The following RPAP1 variants were observed in gnomAD, a reference collection of about 807,000 sequenced individuals.
RPAP1 encodes RNA polymerase II associated protein 1, also known as RNA polymerase II-associated protein 1.
In RPAP1, 109 loss-of-function variants were observed where a neutral mutation model predicts 142.4. That is an observed-to-expected ratio of 0.77 (90% CI 0.66 to 0.90). The LOEUF (loss-of-function observed/expected upper bound fraction) is 0.90. RPAP1 is among the 40% of genes least tolerant of loss of function. The pLI is 0.00. For synonymous variants in RPAP1, 704 were observed against 738.9 expected, an observed-to-expected ratio of 0.95 and a Z score of 0.77; for missense variants, 1,546 against 1,751.7, an observed-to-expected ratio of 0.88 and a Z score of 2.10.
chr15:41,528,702 G>A (rs181689086), intron 9 of RPAP1, among the ~76,000 whole-genome samples: 2 of 152,284 alleles, frequency 1.3e-5, no homozygotes, highest in East Asian at 3.9e-4. Flanking sequence ...GAGGTATGTG[G>A]GGAGAAGCCA....
intron 1 of RPAP1, among the ~76,000 whole-genome samples, chr15:41,538,230 G>A (rs2051934363): frequency 1.3e-5 from 2 of 152,130 alleles, no homozygotes; most frequent in South Asian, 2.1e-4. Context: ...GCGACAGAGT[G>A]AGACTCTGTC....
At chr15:41,540,169 T>A (rs1244430366) in intron 1 of RPAP1, among the ~76,000 whole-genome samples, 1 of 152,230 alleles carries the variant, frequency 6.6e-6, no homozygotes, top group Non-Finnish European at 1.5e-5. Flanking sequence ...CTGAGCTAGA[T>A]GCTGATAATA....
intron 6 of RPAP1, 57 bp from the exon 7 acceptor site, chr15:41,531,259 C>A (rs79667724): frequency 0.011 from 16,914 of 1,524,122 alleles, 294 homozygotes; most frequent in South Asian, 0.06. Flanking sequence ...TGGCCTCCTA[C>A]AGACCTGGAA....
Position 41,536,949 on chromosome 15 carries a change from C to G in RPAP1, c.177G>C (p.Leu59Phe). 1.9e-6 allele frequency: 3 copies of G among 1,613,674 alleles called. No homozygotes were observed. The highest frequency in any genetic ancestry group is 2.5e-6 in the Non-Finnish European group (3 of 1,179,722). Residue 59 changes from leucine to phenylalanine, a missense_variant, in exon 2 of 25, where the codon TTG (leucine) becomes TTC (phenylalanine). Leu to Phe is a conservative substitution (Grantham distance 22). Transcript: ENST00000304330. ...PLQDHRDVVMLDNLPDLPPAL... is the reference protein window; with the variant it reads ...PLQDHRDVVMFDNLPDLPPAL... ...CTCACATCCATGGGAACTCACTGTC[C>G]AACATCACCACATCCCGATGGTCCT... is the stretch of plus-strand genomic sequence containing the variant.
rs182734566 is a variant in RPAP1, at chr15:41,524,125, T to A, written c.2205A>T (p.Ala735=). Residue 735 remains alanine, a synonymous_variant, in exon 16 of 25, where the codon GCA becomes GCT. Coordinates refer to ENST00000304330, the MANE Select transcript of RPAP1 (RefSeq NM_015540.4). ...LLTLLTQLTL[A]AGSTPAETIS... is the part of the protein sequence containing the mutation. ...TGGTTTCAGCAGGGGTACTGCCGGCTGCCAGGGTTAGCTGGGTGAGGAGAG... is the reference window on the plus strand; with the variant it reads ...TGGTTTCAGCAGGGGTACTGCCGGCAGCCAGGGTTAGCTGGGTGAGGAGAG... 1 of 1,592,596 alleles carries A rather than the reference T, an allele frequency of 6.3e-7. No individual in the cohort carries two copies. Among genetic ancestry groups the A allele is most frequent in the Non-Finnish European group, 8.6e-7 (1 of 1,167,606 alleles).
chr15:41,528,823 A>G (rs2051820564), intron 9 of RPAP1, among the ~76,000 whole-genome samples: 1 of 152,156 alleles, frequency 6.6e-6, no homozygotes, highest in African/African-American at 2.4e-5. Context: ...TTGTGAGCAG[A>G]GGGAAGCTGG....
At chr15:41,523,621 T>G (rs1595481755) in intron 17 of RPAP1, 150 bp downstream of exon 17, 1 of 789,498 alleles carries the variant, frequency 1.3e-6, no homozygotes, top group Non-Finnish European at 2.0e-6. Flanking sequence ...GATATGGAGG[T>G]AGAAAGAGGA....
intron 9 of RPAP1, among the ~76,000 whole-genome samples, chr15:41,528,755 G>T (rs1006486611): frequency 6.6e-6 from 1 of 152,154 alleles, no homozygotes; most frequent in African/African-American, 2.4e-5. Context: ...GAGCAGCAGG[G>T]TCAGCAGGGA....
At chr15:41,536,041 C>T (rs2051902596) in intron 4 of RPAP1, 88 bp downstream of exon 4, 1 of 932,512 alleles carries the variant, frequency 1.1e-6, no homozygotes, top group South Asian at 1.5e-5. Context: ...AATTGCTTAT[C>T]ATCATTAAAA....
intron 11 of RPAP1, 39 bp from the exon 12 acceptor site, chr15:41,527,644 G>A: frequency 6.3e-7 from 1 of 1,576,544 alleles, no homozygotes. Flanking sequence ...ATGCTGAAGG[G>A]GCCAGGAAAT....
rs2051799259 is a variant in RPAP1, at chr15:41,527,045, T to C, written c.1770A>G (p.Ile590Met). Residue 590 changes from isoleucine to methionine, a missense_variant, in exon 14 of 25, where the codon ATA (isoleucine) becomes ATG (methionine). Around this residue, in one of 3 missense-constraint regions of RPAP1, gnomAD observed 1,333 missense variants for 1,486.6 expected, o/e 0.90. Coordinates refer to ENST00000304330, the MANE Select transcript of RPAP1 (RefSeq NM_015540.4). The stretch of plus-strand genomic sequence containing the variant: ...GCAAGAACTCTCGAACTATAGTCTC[T>C]ATCAGCCGAGGGCACTCCAGGACCT... ...ATRVLECPRL[I>M]ETIVREFLPT... 1.2e-6 allele frequency: 2 copies of C among 1,614,182 alleles called. No homozygotes were observed. The highest frequency in any genetic ancestry group is 1.7e-6 in the Non-Finnish European group (2 of 1,180,012).
intron 15 of RPAP1, 25 bp downstream of exon 15, chr15:41,524,966 G>T (rs552652365): frequency 6.2e-6 from 10 of 1,610,044 alleles, no homozygotes; most frequent in Non-Finnish European, 8.5e-6. Context: ...TGTCTAGGGG[G>T]AGCCTACCCC....
chr15:41,517,748 G>A (rs776548448), intron 24 of RPAP1, 50 bp downstream of exon 24: 1 of 1,613,914 alleles, frequency 6.2e-7, no homozygotes, highest in South Asian at 1.1e-5. Flanking sequence ...TGTGGTCTCT[G>A]TCCCCCAAGA....
intron 21 of RPAP1, 144 bp from the exon 22 acceptor site, chr15:41,521,291 T>C: frequency 1.2e-6 from 1 of 803,434 alleles, no homozygotes; most frequent in South Asian, 2.4e-5. Flanking sequence ...CAGTGCTGTG[T>C]AGCAGTTAAG....
In RPAP1 at chr15:41,536,564, C is replaced by T. The variant is rs550667222; in HGVS notation, c.267G>A (p.Glu89=). The T allele has an allele frequency of 6.2e-7, 1 of 1,614,196 alleles. No homozygotes were observed. Among genetic ancestry groups the T allele is most frequent in the African/African-American group, 1.3e-5 (1 of 75,054 alleles). Residue 89 remains glutamate (E), a synonymous_variant, in exon 3 of 25, where the codon GAG becomes GAA. Transcript: ENST00000304330. ...GCCTCCTCAGCCTCTCTTCTGGGTC[C>T]TCATCCTCAGGCAGGCAGTGGCCAG... ...PSPGHCLPED[E]DPEERLRRHD... is the part of the protein sequence containing the mutation.
rs763564772 is a variant in RPAP1, at chr15:41,517,574, T to C, written c.4150A>G (p.Thr1384Ala). The C allele has an allele frequency of 1.6e-5, 25 of 1,595,796 alleles. No individual in the cohort carries two copies. The highest frequency in any genetic ancestry group is 2.1e-5 in the Non-Finnish European group (25 of 1,171,240). ...RQHYLQRLTS[T>A]VLQNGVSET ...TCTGATACCCCATTTTGGAGCACTGTTGAAGTCAGTCTCTGGAGGTAGTGC... is the reference window on the plus strand; with the variant it reads ...TCTGATACCCCATTTTGGAGCACTGCTGAAGTCAGTCTCTGGAGGTAGTGC... Residue 1384 changes from threonine to alanine, a missense_variant, in exon 25 of 25, where the codon ACA becomes GCA. Around this residue, in one of 3 missense-constraint regions of RPAP1, gnomAD observed 210 missense variants for 248.0 expected, o/e 0.85. Coordinates refer to ENST00000304330, the MANE Select transcript of RPAP1 (RefSeq NM_015540.4).
rs2051830411 is a variant in RPAP1 at position 41,529,861 on chromosome 15, C to T, written c.1059+3G>A. 7 of 1,598,610 alleles carry T rather than the reference C, an allele frequency of 4.4e-6. No individual in the cohort carries two copies. The highest frequency in any genetic ancestry group is 6.0e-6 in the Non-Finnish European group (7 of 1,172,230). On this transcript the variant is annotated splice_donor_region_variant and intron_variant, in intron 8 of 24. Coordinates refer to ENST00000304330, the MANE Select transcript of RPAP1 (RefSeq NM_015540.4). The stretch of plus-strand genomic sequence containing the variant: ...CCCTTGTAGGCCAGGTGGCCCTCCT[C>T]ACCTCCTGTGTCTGCTGCCGCCGGA...
chr15:41,519,425 G>A (rs2051701929), intron 22 of RPAP1, among the ~76,000 whole-genome samples: 1 of 151,522 alleles, frequency 6.6e-6, no homozygotes, highest in Non-Finnish European at 1.5e-5. Context: ...TGGCCAGGCT[G>A]GTCTCAAACT....
In RPAP1 at chr15:41,524,143, G is replaced by A; in HGVS notation, c.2187C>T (p.Leu729=). 1.3e-6 allele frequency: 2 copies of A among 1,598,694 alleles called. No homozygotes were observed. Among genetic ancestry groups the A allele is most frequent in the Non-Finnish European group, 1.7e-6 (2 of 1,171,044 alleles). ...TGCCGGCTGCCAGGGTTAGCTGGGT[G>A]AGGAGAGTGAGCAGTGAGGCTATCC... ...MQRIASLLTL[L]TQLTLAAGST... is the part of the protein sequence containing the mutation. Residue 729 remains leucine, a synonymous_variant, in exon 16 of 25, where the codon CTC becomes CTT. Transcript: ENST00000304330.
Sources: allele counts gnomAD v4.1 joint callset (sites outside exome capture counted in the v4.1 genomes callset), GRCh38; gene constraint gnomAD v4.1.1; regional missense constraint gnomAD v4.1.1; transcripts MANE v1.5; gene names NCBI Gene and HGNC (gene_info 2026-07-23, HGNC 2026-07-21).